The following PIGN variants were observed in gnomAD, a reference collection of about 807,000 sequenced individuals.
PIGN encodes phosphatidylinositol glycan anchor biosynthesis class N, also known as GPI ethanolamine phosphate transferase 1.
A neutral mutation model predicts 125.4 loss-of-function variants in PIGN; 117 were observed. That is an observed-to-expected ratio of 0.93 (90% CI 0.80 to 1.09). PIGN has a LOEUF of 1.09. PIGN is among the 50% of genes least tolerant of loss of function. PIGN has a pLI of 0.00. For missense variants in PIGN, 1,075 were observed against 1,094.9 expected (o/e 0.98, Z 0.26); for synonymous variants, 392 against 377.8 (o/e 1.04, Z -0.44).
intron 4 of PIGN, among the ~76,000 whole-genome samples, chr18:62,160,029 C>T (rs1006855312): frequency 1.3e-5 from 2 of 152,134 alleles, no homozygotes; most frequent in African/African-American, 2.4e-5. Context: ...AGGAGAATGG[C>T]GTGAACCTGG....
At chr18:62,071,748 G>A (rs1599449915) in intron 30 of PIGN, among the ~76,000 whole-genome samples, 1 of 151,164 alleles carries the variant, frequency 6.6e-6, no homozygotes, top group African/African-American at 2.4e-5. Flanking sequence ...TAAAAGTCTG[G>A]CACACACAAT....
intron 14 of PIGN, among the ~76,000 whole-genome samples, chr18:62,124,660 C>T (rs1413500891): frequency 1.3e-5 from 2 of 152,174 alleles, no homozygotes; most frequent in Non-Finnish European, 2.9e-5. Context: ...CCTGCCCATT[C>T]CTCTCTTTTG....
chr18:62,102,696 T>C, intron 21 of PIGN, 98 bp downstream of exon 21: 1 of 584,362 alleles, frequency 1.7e-6, no homozygotes, highest in Non-Finnish European at 3.0e-6. Flanking sequence ...CTAAGTAGCA[T>C]AAAGGTAATG....
intron 2 of PIGN, among the ~76,000 whole-genome samples, chr18:62,162,704 T>G (rs532740792): frequency 6.6e-6 from 1 of 152,306 alleles, no homozygotes; most frequent in East Asian, 1.9e-4. Flanking sequence ...TTGCATCTCA[T>G]AGCTAACTGA....
intron 25 of PIGN, among the ~76,000 whole-genome samples, chr18:62,085,778 T>C (rs2033670375): frequency 6.6e-6 from 1 of 152,236 alleles, no homozygotes; most frequent in South Asian, 2.1e-4. Flanking sequence ...CTTTTTGACA[T>C]TTCTGAAACT....
chr18:62,089,131 C>T (rs2033846789), intron 24 of PIGN, among the ~76,000 whole-genome samples: 1 of 152,012 alleles, frequency 6.6e-6, no homozygotes, highest in Non-Finnish European at 1.5e-5. Context: ...TATATAAATG[C>T]TTCATTTTAA....
At chr18:62,055,894 C>A (rs1279338793) in intron 30 of PIGN, among the ~76,000 whole-genome samples, 1 of 151,162 alleles carries the variant, frequency 6.6e-6, no homozygotes, top group Non-Finnish European at 1.5e-5. Flanking sequence ...ACGTCTCATG[C>A]AAGGTCTTAT....
chr18:62,049,152 G>A lies in PIGN; in HGVS notation c.2673-3173C>T, dbSNP rs201742202. On this transcript the variant is annotated intron_variant, in intron 30 of 30. Transcript: ENST00000640252. ...AGTCTTTGCTATTGTGAATAGTGCC[G>A]CAATAAACATACGTGTGCATGTGTC... is the stretch of plus-strand genomic sequence containing the variant. 9.9e-3 allele frequency among the ~76,000 whole-genome samples: 1,501 copies of A among 151,770 alleles called. 47 individuals are homozygous for A. The highest frequency in any genetic ancestry group is 0.069 in the East Asian group (354 of 5,158).
intron 5 of PIGN, 41 bp from the exon 6 acceptor site, chr18:62,157,268 G>A: frequency 1.0e-6 from 1 of 974,900 alleles, no homozygotes; most frequent in South Asian, 1.5e-5. Context: ...TATACACATG[G>A]TACAATAAGC....
chr18:62,163,839 G>A (rs1455025932), intron 1 of PIGN, among the ~76,000 whole-genome samples, 183 bp from the exon 2 acceptor site: 3 of 152,028 alleles, frequency 2.0e-5, no homozygotes, highest in African/African-American at 4.8e-5. Flanking sequence ...CTCTCCATTC[G>A]CCCCTGTCCT....
chr18:62,050,415 T>C (rs1196333900), intron 30 of PIGN, among the ~76,000 whole-genome samples: 7 of 152,144 alleles, frequency 4.6e-5, no homozygotes, highest in Non-Finnish European at 8.8e-5. Context: ...AGGTCCTTCA[T>C]GTCCCATGTA....
intron 23 of PIGN, among the ~76,000 whole-genome samples, chr18:62,094,776 C>T (rs1293057875): frequency 6.6e-6 from 1 of 152,076 alleles, no homozygotes. Context: ...ACATTCATAT[C>T]ACATCTTCAG....
intron 23 of PIGN, among the ~76,000 whole-genome samples, chr18:62,023,321 C>A (rs1450664211): frequency 2.0e-5 from 3 of 152,220 alleles, no homozygotes; most frequent in Non-Finnish European, 4.4e-5. Flanking sequence ...TAAAATCATA[C>A]AATCTATGTG....
In PIGN at chr18:62,157,670, G is replaced by A. The variant is rs778671915; in HGVS notation, c.343+17C>T. 1.2e-6 allele frequency: 2 copies of A among 1,603,142 alleles called. No individual in the cohort carries two copies. The highest frequency in any genetic ancestry group is 2.2e-5 in the South Asian group (2 of 89,064). On this transcript the variant is annotated intron_variant, in intron 5 of 30. Coordinates refer to ENST00000640252, the MANE Select transcript of PIGN (RefSeq NM_176787.5). Reference sequence around the variant, plus strand: ...GACAAATTTTTCATTTCATAAGATTGTCCAAATAGACAATACCTTTGGCAA... The same window carrying A: ...GACAAATTTTTCATTTCATAAGATTATCCAAATAGACAATACCTTTGGCAA...
At chr18:62,091,174 C>A (rs995414624) in intron 23 of PIGN, among the ~76,000 whole-genome samples, 7 of 152,092 alleles carry the variant, frequency 4.6e-5, no homozygotes, top group Non-Finnish European at 1.0e-4. Context: ...TAGTGAAACC[C>A]TGTCTCTACT....
Position 62,154,527 on chromosome 18 carries a change from C to A in PIGN, c.549+18G>T. On this transcript the variant is annotated intron_variant, in intron 7 of 30. Coordinates refer to ENST00000640252, the MANE Select transcript of PIGN (RefSeq NM_176787.5). ...TAAAAATATGCTTTTTGTATATTAA[C>A]CACTCAATAGCACAAACCTTAACAT... 8.8e-7 allele frequency: 1 copy of A among 1,142,836 alleles called. No individual in the cohort carries two copies. The highest frequency in any genetic ancestry group is 1.3e-6 in the Non-Finnish European group (1 of 756,820). The allele number at this position is 1,142,836 out of a possible 1,614,324, so 70.8% of individuals were successfully genotyped here.
intron 14 of PIGN, among the ~76,000 whole-genome samples, chr18:62,120,928 C>T (rs181805905): frequency 1.3e-5 from 2 of 151,868 alleles, no homozygotes; most frequent in African/African-American, 4.8e-5. Flanking sequence ...AAACAAACAA[C>T]AAAGTCAATT....
intron 22 of PIGN, among the ~76,000 whole-genome samples, chr18:62,099,448 C>T (rs1016739720): frequency 1.3e-5 from 2 of 151,664 alleles, no homozygotes; most frequent in Non-Finnish European, 2.9e-5. Flanking sequence ...AGAAAAAATC[C>T]TAAAATTCAT....
In PIGN at chr18:62,113,191, A is replaced by C. The variant is rs17714875; in HGVS notation, c.1377T>G (p.Ser459=). The change falls in exon 16 of 31, where the codon TCT becomes TCG. Residue 459 remains serine, a synonymous_variant. Transcript: ENST00000640252. ...IGFVGWISYA[S]LLIIKSHSNL... ...TGGAATGAGACTTGATGATCAACAA[A>C]GAGGCATAAGATATCCATCCCACAA... 21 of 1,612,052 alleles carry C rather than the reference A, an allele frequency of 1.3e-5. No homozygotes were observed. Among genetic ancestry groups the C allele is most frequent in the Non-Finnish European group, 1.7e-5 (20 of 1,178,916 alleles).
Sources: gnomAD v4.1 joint callset for allele counts (sites outside exome capture counted in the v4.1 genomes callset) on GRCh38, gnomAD v4.1.1 for gene constraint, MANE v1.5 for transcripts, NCBI Gene and HGNC (gene_info 2026-07-23, HGNC 2026-07-21) for gene names.